GPR155: variants seen among roughly 807,000 people sequenced by gnomAD.
GPR155 encodes lysosomal cholesterol signaling protein.
In GPR155, 65 loss-of-function variants were observed where a neutral mutation model predicts 93.1. The ratio of observed to expected loss-of-function variants is 0.70; its 90% confidence interval spans 0.57 to 0.86. The LOEUF (loss-of-function observed/expected upper bound fraction) is 0.86. GPR155 is among the 40% of genes least tolerant of loss of function. GPR155 has a pLI of 0.00. For synonymous variants in GPR155, 319 were observed against 360.1 expected (o/e 0.89, Z 1.29); for missense variants, 838 against 1,034.8 (o/e 0.81, Z 2.61).
At chr2:174,442,219 C>A in intron 13 of GPR155, 36 bp from the exon 14 acceptor site, 1 of 1,076,292 alleles carries the variant, frequency 9.3e-7, no homozygotes, top group South Asian at 1.3e-5. Context: ...TTTCAGAATT[C>A]AACAATAACA....
In GPR155 at chr2:174,469,001, G is replaced by C. The variant is rs772432545; in HGVS notation, c.1093C>G (p.Leu365Val). ...TTAGGGTCCATAGTGGGAAAGGTCA[G>C]TAACCAGGCAGAAACGTACATGATG... ...APIMYVSAWL[L>V]TFPTMDPKPL... is the part of the protein sequence containing the mutation. The change falls in exon 5 of 16, where the codon CTG becomes GTG. Residue 365 changes from leucine (L) to valine (V), a missense_variant. Coordinates refer to ENST00000392552, the MANE Select transcript of GPR155 (RefSeq NM_152529.7). 5 of 1,613,888 alleles carry C rather than the reference G, an allele frequency of 3.1e-6. No homozygotes were observed. The highest frequency in any genetic ancestry group is 4.5e-5 in the East Asian group (2 of 44,880).
intron 9 of GPR155, among the ~76,000 whole-genome samples, chr2:174,460,449 A>C (rs529710013): frequency 2.6e-5 from 4 of 152,154 alleles, no homozygotes; most frequent in African/African-American, 9.6e-5. Context: ...GGTGTAAGCC[A>C]CCGCACCCAG....
Position 174,434,245 on chromosome 2 carries a change from A to T in GPR155, c.*1871T>A, listed in dbSNP as rs1026520787. On this transcript the variant is annotated 3_prime_UTR_variant, in exon 16 of 16. Transcript: ENST00000392552. The stretch of plus-strand genomic sequence containing the variant: ...CTCGGCCTCCCAAAGTGCTGGGATT[A>T]CAGGTATGAGTCACCATGCCCAGCC... 1.3e-5 allele frequency: 2 copies of T among 150,946 alleles called. No individual in the cohort carries two copies. Among genetic ancestry groups the T allele is most frequent in the African/African-American group, 4.9e-5 (2 of 40,910 alleles). The allele number at this position is 150,946 out of a possible 1,614,324, so 9.4% of individuals were successfully genotyped here.
intron 10 of GPR155, 91 bp downstream of exon 10, chr2:174,459,787 G>A: frequency 1.1e-6 from 1 of 895,936 alleles, no homozygotes; most frequent in Admixed American, 2.2e-5. Flanking sequence ...GGAGGTTGCA[G>A]TGAGCTGAGA....
Position 174,470,388 on chromosome 2 carries a change from A to G in GPR155, c.1026+2T>C. Reference sequence around the variant, plus strand: ...CAAACTTAGAAAGTACTATATACATACAATTTCTACTTCCATGTTGAATTG... The same window carrying G: ...CAAACTTAGAAAGTACTATATACATGCAATTTCTACTTCCATGTTGAATTG... On this transcript the variant is annotated splice_donor_variant, in intron 4 of 15. Transcript: ENST00000392552. LOFTEE classifies it high-confidence loss of function. 6.2e-7 allele frequency: 1 copy of G among 1,610,300 alleles called. No homozygotes were observed.
At chr2:174,454,790 AAAGGGAAGGAAGGG>A (rs1687453858) in intron 10 of GPR155, among the ~76,000 whole-genome samples, 1 of 135,358 alleles carries the variant, frequency 7.4e-6, no homozygotes, top group South Asian at 2.4e-4. Context: ...AAAGGGAAGG[AAAGGGAAGGAAGGG>A]AAGGGAAGGA....
In GPR155 at chr2:174,450,006, C is replaced by T. The variant is rs539631492; in HGVS notation, c.1877-3259G>A. Among the ~76,000 whole-genome samples, 10 of 151,508 alleles carry T rather than the reference C, an allele frequency of 6.6e-5. No homozygotes were observed. In the East Asian group the frequency reaches 9.7e-4, roughly 15 times the overall value. ...CAAAACAAAACAAAAATTAGCCAGG[C>T]GTGGTTGCACACGTCCGTAGTCCTG... On this transcript the variant is annotated intron_variant, in intron 11 of 15. Coordinates refer to ENST00000392552, the MANE Select transcript of GPR155 (RefSeq NM_152529.7).
chr2:174,459,639 G>A (rs1300260136), intron 10 of GPR155, among the ~76,000 whole-genome samples: 1 of 152,186 alleles, frequency 6.6e-6, no homozygotes, highest in East Asian at 1.9e-4. Context: ...GAGCTCAGCA[G>A]GTCGAGACCA....
chr2:174,440,072 A>G (rs1417955132), intron 14 of GPR155, 37 bp from the exon 15 acceptor site: 20 of 1,584,468 alleles, frequency 1.3e-5, no homozygotes, highest in African/African-American at 2.7e-5. Flanking sequence ...TAAGGACAGA[A>G]AAGCACTGAG....
chr2:174,450,896 T>G (rs1234755226), intron 11 of GPR155, among the ~76,000 whole-genome samples: 1 of 152,170 alleles, frequency 6.6e-6, no homozygotes, highest in African/African-American at 2.4e-5. Context: ...TTGCTAAGTA[T>G]AAAGAAAGTA....
intron 2 of GPR155, among the ~76,000 whole-genome samples, chr2:174,477,027 T>C (rs1184276678): frequency 6.6e-6 from 1 of 152,220 alleles, no homozygotes; most frequent in Non-Finnish European, 1.5e-5. Flanking sequence ...CTGAAAATAC[T>C]TGCTGAATGG....
At chr2:174,484,054 C>T (rs1688404266) in intron 1 of GPR155, among the ~76,000 whole-genome samples, 1 of 152,196 alleles carries the variant, frequency 6.6e-6, no homozygotes, top group Non-Finnish European at 1.5e-5. Flanking sequence ...AGATCACCAA[C>T]AACTGATAGC....
chr2:174,434,373 AAC>A lies in GPR155; in HGVS notation c.*1741_*1742del, dbSNP rs1414749067. 6.6e-6 allele frequency: 1 copy of A among 152,028 alleles called. No homozygotes were observed. Among genetic ancestry groups the A allele is most frequent in the African/African-American group, 2.4e-5 (1 of 41,402 alleles). The allele number at this position is 152,028 out of a possible 1,614,324, so 9.4% of individuals were successfully genotyped here. On this transcript the variant is annotated 3_prime_UTR_variant, in exon 16 of 16. Coordinates refer to ENST00000392552, the MANE Select transcript of GPR155 (RefSeq NM_152529.7). Reference sequence around the variant, plus strand: ...ATCCTGCATTACGATGCTTTGTTCAAACACAGAAATGATACATCATATGGCAA... The same window carrying A: ...ATCCTGCATTACGATGCTTTGTTCAAACAGAAATGATACATCATATGGCAA...
chr2:174,445,398 G>A, intron 12 of GPR155: 1 of 399,004 alleles, frequency 2.5e-6, no homozygotes. Flanking sequence ...GATCAGATTT[G>A]AAGCAAGAAG....
rs544015678 is a variant in GPR155, at chr2:174,475,459, C to A, written c.461-2095G>T. 4.6e-5 allele frequency among the ~76,000 whole-genome samples: 7 copies of A among 151,826 alleles called. No individual in the cohort carries two copies. The East Asian group carries it at 9.7e-4, about 21-fold the overall frequency. On this transcript the variant is annotated intron_variant, in intron 2 of 15. Coordinates refer to ENST00000392552, the MANE Select transcript of GPR155 (RefSeq NM_152529.7). Reference sequence around the variant, plus strand: ...AAAGTTATATAACTAGATTATGTAACCTTTAGAAGGTCACCTTTTTCATAA... The same window carrying A: ...AAAGTTATATAACTAGATTATGTAAACTTTAGAAGGTCACCTTTTTCATAA...
chr2:174,445,351 C>T (rs1341683411), intron 12 of GPR155, 175 bp from the exon 13 acceptor site: 5 of 509,610 alleles, frequency 9.8e-6, no homozygotes, highest in Non-Finnish European at 1.8e-5. Flanking sequence ...TTCAACCTCT[C>T]CTCCTGACAG....
chr2:174,452,732 G>A (rs987444981), intron 11 of GPR155, among the ~76,000 whole-genome samples: 12 of 151,844 alleles, frequency 7.9e-5, no homozygotes, highest in South Asian at 2.1e-4. Context: ...TGCAACCTCC[G>A]CCTCCTGTGT....
At chr2:174,466,035 A>G in intron 6 of GPR155, 133 bp from the exon 7 acceptor site, 1 of 564,284 alleles carries the variant, frequency 1.8e-6, no homozygotes. Context: ...TTTGTTTAAA[A>G]TTTTTTGTGA....
At chr2:174,473,561 A>G (rs57542004) in intron 2 of GPR155, among the ~76,000 whole-genome samples, 197 bp from the exon 3 acceptor site, 2,007 of 152,350 alleles carry the variant, frequency 0.013, 32 homozygotes, top group African/African-American at 0.046. Flanking sequence ...TATAGCTTAT[A>G]AAATGATAAC....
Sources: gnomAD v4.1 joint callset for allele counts (sites outside exome capture counted in the v4.1 genomes callset) on GRCh38, gnomAD v4.1.1 for gene constraint, MANE v1.5 for transcripts, NCBI Gene and HGNC (gene_info 2026-07-23, HGNC 2026-07-21) for gene names.